Variants in IGSF3 observed in about 807,000 individuals in gnomAD.
IGSF3 encodes glu-Trp-Ile EWI motif-containing protein 3.
A neutral mutation model predicts 114.4 loss-of-function variants in IGSF3; 23 were observed. The ratio of observed to expected loss-of-function variants is 0.20; its 90% CI spans 0.14 to 0.28. The LOEUF is 0.28. Among genes scored for constraint, IGSF3 ranks in the 10% least tolerant of loss-of-function variants. The pLI is 1.00. For synonymous variants in IGSF3, 571 were observed against 645.2 expected (o/e 0.88, Z 1.74); for missense variants, 1,172 against 1,591.5 (o/e 0.74, Z 4.48).
At position 116,657,708 on chromosome 1, in the gene IGSF3, G is replaced by A. The variant is rs1648923844; in HGVS notation, c.43+8576C>T. Among the ~76,000 whole-genome samples the A allele has an allele frequency of 6.6e-6, 1 of 152,162 alleles. No individual in the cohort carries two copies. On this transcript the variant is annotated intron_variant, in intron 2 of 10. Coordinates refer to ENST00000369486, the MANE Select transcript of IGSF3 (RefSeq NM_001007237.3). The surrounding 1 kb of genome is among the most constrained non-coding windows in gnomAD (Gnocchi z 4.2). ...ATGCCATGGCACCAGCGATGCCACA[G>A]GTGTACCCAGTGCCCTGCCGAGAGC...
intron 2 of IGSF3, among the ~76,000 whole-genome samples, chr1:116,630,778 C>T (rs1362561320): frequency 6.6e-6 from 1 of 152,162 alleles, no homozygotes; most frequent in Non-Finnish European, 1.5e-5. Context: ...AGAGAGGTGG[C>T]TTGTGCCCAG....
rs774507505 is a variant in IGSF3 at position 116,603,127 on chromosome 1, G to A, written c.1624+497C>T. On this transcript the variant is annotated intron_variant, in intron 6 of 10. Coordinates refer to ENST00000369486, the MANE Select transcript of IGSF3 (RefSeq NM_001007237.3). The surrounding 1 kb of genome is among the most constrained non-coding windows in gnomAD (Gnocchi z 7.1). ...AGGATCAGGCAGGAACATAGTAAAT[G>A]CTAAATAAATGACAACAGATGATTT... Among the ~76,000 whole-genome samples the A allele has an allele frequency of 1.3e-5, 2 of 152,228 alleles. No homozygotes were observed. The highest frequency in any genetic ancestry group is 2.4e-5 in the African/African-American group (1 of 41,460).
chr1:116,621,610 T>C (rs1044496850), intron 2 of IGSF3, among the ~76,000 whole-genome samples: 1 of 152,346 alleles, frequency 6.6e-6, no homozygotes, highest in African/African-American at 2.4e-5. Context: ...TGGGGCTTTT[T>C]TTTTTACATC....
At position 116,648,079 on chromosome 1, in the gene IGSF3, G is replaced by A. The variant is rs557460069; in HGVS notation, c.43+18205C>T. On this transcript the variant is annotated intron_variant, in intron 2 of 10. Coordinates refer to ENST00000369486, the MANE Select transcript of IGSF3 (RefSeq NM_001007237.3). The surrounding 1 kb of genome is among the most constrained non-coding windows in gnomAD (Gnocchi z 4.7). The stretch of plus-strand genomic sequence containing the variant: ...AGATTGGGCCACTGCACTCCAGCCT[G>A]GGCGACACAGCAAGACTCCCTCTCA... Among the ~76,000 whole-genome samples the A allele has an allele frequency of 4.2e-4, 64 of 152,200 alleles. No individual in the cohort carries two copies. The highest frequency in any genetic ancestry group is 1.5e-3 in the African/African-American group (63 of 41,534).
chr1:116,646,342 G>T lies in IGSF3; in HGVS notation c.43+19942C>A, dbSNP rs553028166. Reference sequence around the variant, plus strand: ...ATTTTTAGGAGGAAGATGGAGAATTGGGGGGGGTCCACACAAAGAGGATGG... The same window carrying T: ...ATTTTTAGGAGGAAGATGGAGAATTTGGGGGGGTCCACACAAAGAGGATGG... On this transcript the variant is annotated intron_variant, in intron 2 of 10. Coordinates refer to ENST00000369486, the MANE Select transcript of IGSF3 (RefSeq NM_001007237.3). 7.3e-5 allele frequency among the ~76,000 whole-genome samples: 11 copies of T among 150,422 alleles called. No homozygotes were observed. In the South Asian group the frequency reaches 1.9e-3, roughly 26 times the overall value.
intron 9 of IGSF3, among the ~76,000 whole-genome samples, chr1:116,581,935 G>A (rs1276801040): frequency 6.6e-6 from 1 of 152,164 alleles, no homozygotes; most frequent in Non-Finnish European, 1.5e-5. Flanking sequence ...GACTGGCTAA[G>A]GTGTCAAGGG....
chr1:116,616,477 A>C lies in IGSF3; in HGVS notation c.44-20T>G, dbSNP rs200876319. 3.2e-6 allele frequency: 5 copies of C among 1,576,758 alleles called. No homozygotes were observed. Among genetic ancestry groups the C allele is most frequent in the Admixed American group, 1.7e-5 (1 of 58,018 alleles). On this transcript the variant is annotated intron_variant, in intron 2 of 10. Transcript: ENST00000369486. This position sits in a 1 kb window ranked among gnomAD's most constrained non-coding sequence, Gnocchi z 6.6. ...CCACACCTACGAGGGAGAGAAACAC[A>C]CACAACATGCTTACTTACTTCTCAG...
At position 116,575,091 on chromosome 1, in the gene IGSF3, G is replaced by A. The variant is rs540197506; in HGVS notation, c.*2221C>T. The A allele has an allele frequency of 6.6e-6, 1 of 152,588 alleles. No individual in the cohort carries two copies. The highest frequency in any genetic ancestry group is 2.1e-4 in the South Asian group (1 of 4,816). 9.5% of individuals were successfully genotyped at this position (152,588 alleles called of 1,614,324 possible). ...ATCTTAGTTACACATCCTAGTCCCA[G>A]CCAGCGCTCTGGCAACCTCCCATTT... On this transcript the variant is annotated 3_prime_UTR_variant, in exon 11 of 11. Transcript: ENST00000369486. The surrounding 1 kb of genome is among the most constrained non-coding windows in gnomAD (Gnocchi z 5.6).
chr1:116,613,407 T>A (rs1182980284), intron 4 of IGSF3, among the ~76,000 whole-genome samples: 1 of 152,218 alleles, frequency 6.6e-6, no homozygotes, highest in Non-Finnish European at 1.5e-5. Context: ...GGGCAGCAAC[T>A]GTGCCTAATG....
At chr1:116,591,843 A>G (rs561146352) in intron 7 of IGSF3, among the ~76,000 whole-genome samples, 1 of 152,324 alleles carries the variant, frequency 6.6e-6, no homozygotes, top group Admixed American at 6.5e-5. Flanking sequence ...AGCCCTGCCC[A>G]CTTAGAGACC....
In IGSF3 at chr1:116,589,262, C is replaced by T. The variant is rs915000434; in HGVS notation, c.2030-158G>A. 5.3e-5 allele frequency among the ~76,000 whole-genome samples: 8 copies of T among 152,036 alleles called. No individual in the cohort carries two copies. The highest frequency in any genetic ancestry group is 1.2e-4 in the African/African-American group (5 of 41,372). ...GAAGGCAGCACGGAGCCCAGGCCAC[C>T]GCTAAACATCCTTCCCTGTCTCCTC... is the stretch of plus-strand genomic sequence containing the variant. On this transcript the variant is annotated intron_variant, in intron 7 of 10. Coordinates refer to ENST00000369486, the MANE Select transcript of IGSF3 (RefSeq NM_001007237.3). This position sits in a 1 kb window ranked among gnomAD's most constrained non-coding sequence, Gnocchi z 5.7.
In IGSF3 at chr1:116,600,097, T is replaced by C. The variant is rs770452885; in HGVS notation, c.1873A>G (p.Ser625Gly). 1 of 1,614,194 alleles carries C rather than the reference T, an allele frequency of 6.2e-7. No individual in the cohort carries two copies. The highest frequency in any genetic ancestry group is 8.5e-7 in the Non-Finnish European group (1 of 1,180,040). The change falls in exon 7 of 11, where the codon AGC becomes GGC. Residue 625 changes from serine (S) to glycine (G), a missense_variant. By Grantham distance (56) the Ser-to-Gly change is moderately conservative. Coordinates refer to ENST00000369486, the MANE Select transcript of IGSF3 (RefSeq NM_001007237.3). This position sits in a 1 kb window ranked among gnomAD's most constrained non-coding sequence, Gnocchi z 5.5. ...TRTAIEKAES[S>G]NNVRLSISRA... is the part of the protein sequence containing the mutation. ...CTGATGCTTAGGCGGACGTTGTTGC[T>C]GGACTCAGCCTTCTCGATGGCAGTT...
rs1661053853 is a variant in IGSF3, at chr1:116,612,366, A to C, written c.832+1399T>G. ...TTTCACATCCATTAGATGACTTATT[A>C]AAGTGATGTCCAGAGAATTGCTTCT... is the stretch of plus-strand genomic sequence containing the variant. On this transcript the variant is annotated intron_variant, in intron 4 of 10. Coordinates refer to ENST00000369486, the MANE Select transcript of IGSF3 (RefSeq NM_001007237.3). The surrounding 1 kb of genome is among the most constrained non-coding windows in gnomAD (Gnocchi z 4.1). Among the ~76,000 whole-genome samples the C allele has an allele frequency of 6.6e-6, 1 of 152,146 alleles. No individual in the cohort carries two copies. The highest frequency in any genetic ancestry group is 2.4e-5 in the African/African-American group (1 of 41,426).
At chr1:116,611,956 A>C (rs760096686) in intron 4 of IGSF3, among the ~76,000 whole-genome samples, 2 of 152,218 alleles carry the variant, frequency 1.3e-5, no homozygotes, top group African/African-American at 4.8e-5. Context: ...AAATAAACTA[A>C]GAAGGGTAGA....
chr1:116,592,141 AG>A lies in IGSF3; in HGVS notation c.2030-3038del, dbSNP rs1470407554. On this transcript the variant is annotated intron_variant, in intron 7 of 10. Coordinates refer to ENST00000369486, the MANE Select transcript of IGSF3 (RefSeq NM_001007237.3). This position sits in a 1 kb window ranked among gnomAD's most constrained non-coding sequence, Gnocchi z 4.5. ...GAGCTTGTTAGAAATGCAGACTCTC[AG>A]GCCCCACCCCAGACCCAGTAAGTCA... Among the ~76,000 whole-genome samples, 1 of 152,212 alleles carries A rather than the reference AG, an allele frequency of 6.6e-6. No homozygotes were observed. The highest frequency in any genetic ancestry group is 1.5e-5 in the Non-Finnish European group (1 of 68,038).
In IGSF3 at chr1:116,608,317, C is replaced by T. The variant is rs199569798; in HGVS notation, c.847G>A (p.Val283Ile). Reference sequence around the variant, plus strand: ...AGCCGCTTCTCTGTCTCCAGCCGAACAGTGAATTCTTTGTCTGAGAGAACA... The same window carrying T: ...AGCCGCTTCTCTGTCTCCAGCCGAATAGTGAATTCTTTGTCTGAGAGAACA... Reference protein sequence around the residue: ...NVQPTDKEFTVRLETEKRLHT... With the variant: ...NVQPTDKEFTIRLETEKRLHT... The change falls in exon 5 of 11, where the codon GTT (valine) becomes ATT (isoleucine). Residue 283 changes from valine (V) to isoleucine (I), a missense_variant. Val to Ile is a conservative substitution (Grantham distance 29). Coordinates refer to ENST00000369486, the MANE Select transcript of IGSF3 (RefSeq NM_001007237.3). 4.7e-5 allele frequency: 76 copies of T among 1,612,736 alleles called. No homozygotes were observed. Among genetic ancestry groups the T allele is most frequent in the Non-Finnish European group, 5.9e-5 (70 of 1,179,078 alleles).
At position 116,638,944 on chromosome 1, in the gene IGSF3, C is replaced by G. The variant is rs923656310; in HGVS notation, c.44-22487G>C. ...TGCATGCTGAACCATTCCAGCTGCG[C>G]CACTGCCCAGGAAAAAAGTCACAGG... On this transcript the variant is annotated intron_variant, in intron 2 of 10. Coordinates refer to ENST00000369486, the MANE Select transcript of IGSF3 (RefSeq NM_001007237.3). The surrounding 1 kb of genome is among the most constrained non-coding windows in gnomAD (Gnocchi z 4.1). Among the ~76,000 whole-genome samples the G allele has an allele frequency of 6.6e-6, 1 of 152,176 alleles. No homozygotes were observed. Among genetic ancestry groups the G allele is most frequent in the Non-Finnish European group, 1.5e-5 (1 of 68,032 alleles).
chr1:116,628,110 G>A lies in IGSF3; in HGVS notation c.44-11653C>T, dbSNP rs1647388441. ...AACTAGCTCCAGTGTGTGGGCAGAA[G>A]TGGAGAGGATGGAGAAAGGATACAA... On this transcript the variant is annotated intron_variant, in intron 2 of 10. Transcript: ENST00000369486. The surrounding 1 kb of genome is among the most constrained non-coding windows in gnomAD (Gnocchi z 4.2). Among the ~76,000 whole-genome samples, 1 of 152,244 alleles carries A rather than the reference G, an allele frequency of 6.6e-6. No homozygotes were observed. The highest frequency in any genetic ancestry group is 6.5e-5 in the Admixed American group (1 of 15,292).
In IGSF3 at chr1:116,648,497, C is replaced by G. The variant is rs895447379; in HGVS notation, c.43+17787G>C. Among the ~76,000 whole-genome samples, 1 of 152,136 alleles carries G rather than the reference C, an allele frequency of 6.6e-6. No individual in the cohort carries two copies. The highest frequency in any genetic ancestry group is 1.5e-5 in the Non-Finnish European group (1 of 68,020). On this transcript the variant is annotated intron_variant, in intron 2 of 10. Transcript: ENST00000369486. The surrounding 1 kb of genome is among the most constrained non-coding windows in gnomAD (Gnocchi z 4.7). ...ATCTGCACTTTTACCTGCTGCCTGA[C>G]GAAAACCAGATGCCAAAGCCAAAGG...
Sources: allele counts gnomAD v4.1 joint callset (sites outside exome capture counted in the v4.1 genomes callset), GRCh38; gene constraint gnomAD v4.1.1; non-coding constraint Gnocchi (gnomAD v3.1); transcripts MANE v1.5; gene names NCBI Gene and HGNC (gene_info 2026-07-23, HGNC 2026-07-21).